Variants in TMEM132C observed in about 807,000 individuals in gnomAD.
TMEM132C encodes protein phosphatase 1, regulatory subunit 152.
Under a neutral mutation model 61.4 loss-of-function variants are expected in TMEM132C, and 29 were observed. The ratio of observed to expected loss-of-function variants is 0.47; its 90% CI spans 0.35 to 0.64. The LOEUF is 0.64. Ranked by LOEUF, TMEM132C falls within the 30% of genes least tolerant of loss-of-function variation. The pLI, the probability that TMEM132C is intolerant of heterozygous loss-of-function variation, is 0.00. For synonymous variants in TMEM132C, 656 were observed against 633.1 expected (o/e 1.04, Z -0.54); for missense variants, 1,408 against 1,476.9 (o/e 0.95, Z 0.76).
intron 1 of TMEM132C, among the ~76,000 whole-genome samples, chr12:128,391,344 C>T (rs1328233519): frequency 6.6e-6 from 1 of 152,210 alleles, no homozygotes; most frequent in Non-Finnish European, 1.5e-5. Flanking sequence ...GGGCAGACCT[C>T]ATGTGAGAGG....
chr12:128,321,329 A>G (rs980063150), intron 1 of TMEM132C, among the ~76,000 whole-genome samples: 4 of 152,116 alleles, frequency 2.6e-5, no homozygotes, highest in African/African-American at 7.2e-5. Context: ...TACTCACAGC[A>G]ACTTGGAGGA....
rs71069547 is a variant in TMEM132C, at chr12:128,276,894, G to GCACACACACACACACACACACACACACA, written c.85+9429_85+9430insCACACACACACACACACACACACACACA. Among the ~76,000 whole-genome samples, 27 of 150,034 alleles carry GCACACACACACACACACACACACACACA rather than the reference G, an allele frequency of 1.8e-4. No homozygotes were observed. In the East Asian group the frequency reaches 5.4e-3, roughly 30 times the overall value. On this transcript the variant is annotated intron_variant, in intron 1 of 8. Coordinates refer to ENST00000435159, the MANE Select transcript of TMEM132C (RefSeq NM_001136103.3). ...CATGTGTGCATGCATGTGCGTGCAT[G>GCACACACACACACACACACACACACACA]CACACACACACACACACACACAATT...
chr12:128,581,255 C>CT (rs57374376), intron 3 of TMEM132C, among the ~76,000 whole-genome samples: 2,224 of 144,194 alleles, frequency 0.015, 45 homozygotes, highest in African/African-American at 0.042. Context: ...TTCCGGGAAT[C>CT]TTTTTTTTTT....
At chr12:128,599,728 G>A (rs1370108584) in intron 3 of TMEM132C, among the ~76,000 whole-genome samples, 2 of 152,176 alleles carry the variant, frequency 1.3e-5, no homozygotes, top group African/African-American at 4.8e-5. Context: ...ATGCAGCCAA[G>A]GTTGAGGACC....
rs542900122 is a variant in TMEM132C, at chr12:128,649,642, G to A, written c.1306-19775G>A. ...GATGCAAAATATTGCAAACAGTAAA[G>A]AGGTTATCACTTTGGAGAAGTATGT... On this transcript the variant is annotated intron_variant, in intron 4 of 8. Transcript: ENST00000435159. Among the ~76,000 whole-genome samples, 8 of 152,292 alleles carry A rather than the reference G, an allele frequency of 5.3e-5. No homozygotes were observed. The South Asian group carries it at 8.3e-4, about 16-fold the overall frequency.
intron 4 of TMEM132C, among the ~76,000 whole-genome samples, chr12:128,653,483 A>G (rs1331100058): frequency 6.6e-6 from 1 of 152,182 alleles, no homozygotes; most frequent in Non-Finnish European, 1.5e-5. Context: ...TTGAGTTACA[A>G]TATATGAGGG....
At chr12:128,343,722 AG>A (rs1217655811) in intron 1 of TMEM132C, among the ~76,000 whole-genome samples, 1 of 152,140 alleles carries the variant, frequency 6.6e-6, no homozygotes, top group Non-Finnish European at 1.5e-5. Flanking sequence ...TTTTCCACCC[AG>A]AAAAAAAACC....
At chr12:128,682,912 A>G (rs910337368) in intron 5 of TMEM132C, among the ~76,000 whole-genome samples, 3 of 152,182 alleles carry the variant, frequency 2.0e-5, no homozygotes, top group East Asian at 3.9e-4. Flanking sequence ...AGCATCTGGA[A>G]CAGGGCACTC....
Position 128,705,400 on chromosome 12 carries a change from A to T in TMEM132C, c.2432A>T (p.Asp811Val). The T allele has an allele frequency of 6.4e-7, 1 of 1,551,032 alleles. No individual in the cohort carries two copies. The highest frequency in any genetic ancestry group is 2.4e-5 in the East Asian group (1 of 40,904). ...GATGCTGACTCCAGCCCCGGCGGGG[A>T]CTATGAGGAAGATGAGATCAAGAAC... is the stretch of plus-strand genomic sequence containing the variant. ...QNDADSSPGG[D>V]YEEDEIKNHA... The change falls in exon 9 of 9, where the codon GAC (aspartate) becomes GTC (valine). Residue 811 changes from aspartate (D) to valine (V), a missense_variant. Physicochemically the swap from Asp to Val is radical, Grantham distance 152 (BLOSUM62 -3). Transcript: ENST00000435159.
intron 2 of TMEM132C, among the ~76,000 whole-genome samples, chr12:128,449,505 TG>T (rs1225165018): frequency 6.6e-6 from 1 of 152,238 alleles, no homozygotes; most frequent in African/African-American, 2.4e-5. Flanking sequence ...GCTTTGGGTC[TG>T]TTTACAGTTT....
intron 1 of TMEM132C, among the ~76,000 whole-genome samples, chr12:128,282,020 T>G (rs1394396308): frequency 6.6e-6 from 1 of 152,234 alleles, no homozygotes; most frequent in Non-Finnish European, 1.5e-5. Flanking sequence ...TACTCATACA[T>G]AGTGGAAAAT....
chr12:128,304,299 T>C (rs1871688841), intron 1 of TMEM132C, among the ~76,000 whole-genome samples: 1 of 152,104 alleles, frequency 6.6e-6, no homozygotes, highest in Non-Finnish European at 1.5e-5. Context: ...TGTGTGTGCG[T>C]GTAAGTGCAT....
In TMEM132C at chr12:128,559,581, G is replaced by A. The variant is rs1042103919; in HGVS notation, c.1121+15478G>A. On this transcript the variant is annotated intron_variant, in intron 3 of 8. Transcript: ENST00000435159. ...ACACCACCACCATCTTTACCCACAC[G>A]TTCCTCATAAGCTGTTTGATCCTTT... Among the ~76,000 whole-genome samples the A allele has an allele frequency of 1.1e-4, 16 of 152,226 alleles. 1 individual carries two copies. The highest frequency in any genetic ancestry group is 1.0e-3 in the South Asian group (5 of 4,810).
intron 1 of TMEM132C, among the ~76,000 whole-genome samples, chr12:128,343,421 TAAAA>T (rs71449345): frequency 5.9e-5 from 8 of 136,548 alleles, no homozygotes; most frequent in Admixed American, 2.2e-4. Flanking sequence ...AGACTCAGTC[TAAAA>T]AAAAAAAAAA....
chr12:128,267,585 G>C lies in TMEM132C; in HGVS notation c.85+98G>C, dbSNP rs371983138. 4 of 982,326 alleles carry C rather than the reference G, an allele frequency of 4.1e-6. No homozygotes were observed. The African/African-American group carries it at 6.9e-5, about 17-fold the overall frequency. The allele number at this position is 982,326 out of a possible 1,614,324, so 60.9% of individuals were successfully genotyped here. ...GCAGCCGAAGCGAGGGGTGCGGCGGGGGCCTCGGCGGGGGCTCGGATCCCA... is the reference window on the plus strand; with the variant it reads ...GCAGCCGAAGCGAGGGGTGCGGCGGCGGCCTCGGCGGGGGCTCGGATCCCA... On this transcript the variant is annotated intron_variant, in intron 1 of 8. Coordinates refer to ENST00000435159, the MANE Select transcript of TMEM132C (RefSeq NM_001136103.3).
intron 1 of TMEM132C, among the ~76,000 whole-genome samples, chr12:128,362,957 A>C (rs923349156): frequency 6.6e-6 from 1 of 152,218 alleles, no homozygotes; most frequent in Non-Finnish European, 1.5e-5. Flanking sequence ...AAGTGAAAAT[A>C]AAAAGAGCAT....
At chr12:128,323,414 G>A (rs891056864) in intron 1 of TMEM132C, among the ~76,000 whole-genome samples, 3 of 152,218 alleles carry the variant, frequency 2.0e-5, no homozygotes, top group African/African-American at 7.2e-5. Flanking sequence ...AATTTTAGCC[G>A]AAGAATATTC....
intron 1 of TMEM132C, among the ~76,000 whole-genome samples, chr12:128,392,145 G>A (rs1874789342): frequency 6.6e-6 from 1 of 151,848 alleles, no homozygotes; most frequent in Non-Finnish European, 1.5e-5. Flanking sequence ...TGGAGACAGG[G>A]AGCTCCGTGC....
In TMEM132C at chr12:128,469,668, A is replaced by G. The variant is rs527673599; in HGVS notation, c.974+54048A>G. Among the ~76,000 whole-genome samples, 711 of 147,528 alleles carry G rather than the reference A, an allele frequency of 4.8e-3. 3 individuals are homozygous for G. The highest frequency in any genetic ancestry group is 0.018 in the African/African-American group (673 of 37,670). The stretch of plus-strand genomic sequence containing the variant: ...TGTGTGTGTGTGTGTGTGTGTATAT[A>G]TATATATGTGCATTTATGTGTGTGT... On this transcript the variant is annotated intron_variant, in intron 2 of 8. Coordinates refer to ENST00000435159, the MANE Select transcript of TMEM132C (RefSeq NM_001136103.3).
Sources: allele counts gnomAD v4.1 joint callset (sites outside exome capture counted in the v4.1 genomes callset), GRCh38; gene constraint gnomAD v4.1.1; transcripts MANE v1.5; gene names NCBI Gene and HGNC (gene_info 2026-07-23, HGNC 2026-07-21).